TCF4: variants seen among roughly 807,000 people sequenced by gnomAD.
The protein encoded by TCF4 is transcription factor 4, also known as SL3-3 enhancer factor 2.
A neutral mutation model predicts 82.1 loss-of-function variants in TCF4; 3 were observed. The ratio of observed to expected loss-of-function variants is 0.04; its 90% CI spans 0.02 to 0.09. The LOEUF (loss-of-function observed/expected upper bound fraction) is 0.09, where lower values mean the gene tolerates loss of function less well. TCF4 is among the 10% of genes least tolerant of loss of function. The pLI, the probability that TCF4 is intolerant of heterozygous loss-of-function variation, is 1.00. For missense variants in TCF4, 518 were observed against 852.7 expected, an observed-to-expected ratio of 0.61 and a Z score of 4.89; for synonymous variants, 276 against 309.6, an observed-to-expected ratio of 0.89 and a Z score of 1.14.
At chr18:55,567,836 G>A (rs897905406) in intron 3 of TCF4, among the ~76,000 whole-genome samples, 29 of 152,002 alleles carry the variant, frequency 1.9e-4, no homozygotes, top group African/African-American at 6.5e-4. Flanking sequence ...CACAAAATTG[G>A]CAACAAAGCA....
chr18:55,570,176 T>C (rs1439875016), intron 3 of TCF4, among the ~76,000 whole-genome samples: 1 of 152,176 alleles, frequency 6.6e-6, no homozygotes, highest in Non-Finnish European at 1.5e-5. Flanking sequence ...TCAGTACGTG[T>C]GAATGGATTT....
At chr18:55,269,731 T>G in intron 11 of TCF4, 100 bp downstream of exon 11, 3 of 1,434,834 alleles carry the variant, frequency 2.1e-6, no homozygotes, top group Non-Finnish European at 2.9e-6. Flanking sequence ...TAATATTTAG[T>G]GCCTAATTGC....
At chr18:55,458,840 A>AT (rs1359791011) in intron 5 of TCF4, among the ~76,000 whole-genome samples, 5 of 151,648 alleles carry the variant, frequency 3.3e-5, no homozygotes, top group East Asian at 1.9e-4. Context: ...TCCCTTTTCC[A>AT]TTTTTTTTGC....
intron 11 of TCF4, among the ~76,000 whole-genome samples, chr18:55,264,445 C>T (rs1186844569): frequency 6.6e-6 from 1 of 152,164 alleles, no homozygotes; most frequent in South Asian, 2.1e-4. Flanking sequence ...CCAGGAAACA[C>T]TGGAGAAGCT....
At position 55,429,685 on chromosome 18, in the gene TCF4, C is replaced by T. The variant is rs1018705431; in HGVS notation, c.305-26167G>A. On this transcript the variant is annotated intron_variant, in intron 5 of 19. Transcript: ENST00000354452. ...CTGAGGCAGGAGAATGGCGTGAACC[C>T]GGGAGGCGGAGCTTGCGATGAGCCA... is the stretch of plus-strand genomic sequence containing the variant. Among the ~76,000 whole-genome samples the T allele has an allele frequency of 1.0e-4, 13 of 124,322 alleles. No homozygotes were observed. The South Asian group carries it at 2.2e-3, about 21-fold the overall frequency. 81.6% of individuals were successfully genotyped at this position (124,322 alleles called of 152,430 possible).
chr18:55,365,973 T>TATAG (rs1367852222), intron 6 of TCF4, among the ~76,000 whole-genome samples: 2 of 14,232 alleles, frequency 1.4e-4, no homozygotes, highest in Non-Finnish European at 2.5e-4. Context: ...TGTTTATAGA[T>TATAG]ATAGATATAG....
chr18:55,529,337 A>G (rs138275230), intron 3 of TCF4, among the ~76,000 whole-genome samples: 1 of 152,356 alleles, frequency 6.6e-6, no homozygotes, highest in East Asian at 1.9e-4. Flanking sequence ...TTTTCTCAGC[A>G]TCTCATGAGT....
intron 2 of TCF4, among the ~76,000 whole-genome samples, chr18:55,602,730 A>G (rs918624444): frequency 2.6e-5 from 4 of 152,202 alleles, no homozygotes; most frequent in Non-Finnish European, 5.9e-5. Flanking sequence ...GATGTTGTCT[A>G]TCTTAGTCTT....
intron 3 of TCF4, among the ~76,000 whole-genome samples, chr18:55,477,327 G>A (rs1327836250): frequency 6.6e-6 from 1 of 152,168 alleles, no homozygotes; most frequent in Non-Finnish European, 1.5e-5. Flanking sequence ...CTATATAAAA[G>A]AGGCTATTTT....
At chr18:55,409,958 TACAGGG>T (rs2094277024) in intron 5 of TCF4, among the ~76,000 whole-genome samples, 1 of 152,182 alleles carries the variant, frequency 6.6e-6, no homozygotes, top group South Asian at 2.1e-4. Flanking sequence ...AATCTTACGA[TACAGGG>T]ACAACTCTGC....
chr18:55,577,918 T>C (rs1258264310), intron 3 of TCF4, among the ~76,000 whole-genome samples: 1 of 152,080 alleles, frequency 6.6e-6, no homozygotes, highest in Non-Finnish European at 1.5e-5. Flanking sequence ...AGAAAAAAGT[T>C]TGTAATGGAA....
chr18:55,491,023 G>A (rs1382170909), intron 3 of TCF4, among the ~76,000 whole-genome samples: 1 of 151,776 alleles, frequency 6.6e-6, no homozygotes, highest in Non-Finnish European at 1.5e-5. Flanking sequence ...GATTATGGGG[G>A]AAAAAAAATC....
intron 6 of TCF4, among the ~76,000 whole-genome samples, chr18:55,396,161 C>T (rs185370699): frequency 5.9e-5 from 9 of 152,282 alleles, no homozygotes; most frequent in Admixed American, 4.6e-4. Context: ...CCTTCATGGG[C>T]TTAAGTAGCA....
intron 8 of TCF4, among the ~76,000 whole-genome samples, chr18:55,294,015 T>TTTGGGAGGCCGAGG (rs2065836674): frequency 7.5e-6 from 1 of 133,328 alleles, no homozygotes; most frequent in Non-Finnish European, 1.6e-5. Flanking sequence ...ATCCCAGGAC[T>TTTGGGAGGCCGAGG]TTGGGAGGCC....
At chr18:55,444,608 A>C (rs2095494767) in intron 5 of TCF4, among the ~76,000 whole-genome samples, 1 of 152,218 alleles carries the variant, frequency 6.6e-6, no homozygotes, top group East Asian at 1.9e-4. Flanking sequence ...AGAATTGAGA[A>C]CTTTCTAAAA....
chr18:55,446,363 T>G (rs2095525260), intron 5 of TCF4, among the ~76,000 whole-genome samples: 1 of 152,150 alleles, frequency 6.6e-6, no homozygotes, highest in Non-Finnish European at 1.5e-5. Flanking sequence ...AACCTACCAT[T>G]GTTATCAGGT....
chr18:55,280,384 C>G (rs1361280225), intron 8 of TCF4, among the ~76,000 whole-genome samples: 2 of 152,128 alleles, frequency 1.3e-5, no homozygotes, highest in African/African-American at 4.8e-5. Flanking sequence ...TTTACTAATA[C>G]TCATGAGACT....
intron 2 of TCF4, among the ~76,000 whole-genome samples, chr18:55,586,459 C>T (rs957089183): frequency 6.6e-6 from 1 of 152,150 alleles, no homozygotes; most frequent in Non-Finnish European, 1.5e-5. Flanking sequence ...TTGTGCTGAT[C>T]CTACGACTAC....
chr18:55,585,839 C>T, intron 2 of TCF4: 2 of 1,153,106 alleles, frequency 1.7e-6, no homozygotes, highest in South Asian at 4.9e-5. Context: ...TCGTCTCTAA[C>T]AGGAGAGCAA....
Sources: gnomAD v4.1 joint callset for allele counts (sites outside exome capture counted in the v4.1 genomes callset) on GRCh38, gnomAD v4.1.1 for gene constraint, MANE v1.5 for transcripts, NCBI Gene and HGNC (gene_info 2026-07-23, HGNC 2026-07-21) for gene names.